The following PCED1B variants were observed in gnomAD, a reference collection of about 807,000 sequenced individuals.
PCED1B encodes PC-esterase domain-containing protein 1B.
For synonymous variants in PCED1B, 251 were observed against 246.1 expected (o/e 1.02, Z -0.19); for missense variants, 573 against 573.9 (o/e 1.00, Z 0.02).
At chr12:47,177,617 G>C (rs542908605) in intron 2 of PCED1B, among the ~76,000 whole-genome samples, 3 of 152,118 alleles carry the variant, frequency 2.0e-5, no homozygotes, top group East Asian at 3.9e-4. Context: ...TGGTGGGGTG[G>C]GGGGTGGCAA....
At chr12:47,185,091 C>A (rs1434652993) in intron 2 of PCED1B, among the ~76,000 whole-genome samples, 1 of 152,184 alleles carries the variant, frequency 6.6e-6, no homozygotes, top group East Asian at 1.9e-4. Context: ...CAAGATGTTG[C>A]TGCATCTCCA....
intron 2 of PCED1B, among the ~76,000 whole-genome samples, chr12:47,174,365 C>T (rs572478427): frequency 7.7e-4 from 117 of 151,096 alleles, no homozygotes; most frequent in African/African-American, 2.1e-3. Context: ...GCGGAGATTG[C>T]GCTACCGCAC....
At chr12:47,106,692 T>G (rs1938964922) in intron 2 of PCED1B, among the ~76,000 whole-genome samples, 1 of 152,222 alleles carries the variant, frequency 6.6e-6, no homozygotes, top group Admixed American at 6.5e-5. Context: ...CTTCTCTGTT[T>G]TCCCTCCTCC....
intron 1 of PCED1B, among the ~76,000 whole-genome samples, chr12:47,101,088 T>G (rs1221254666): frequency 6.6e-6 from 1 of 152,080 alleles, no homozygotes; most frequent in African/African-American, 2.4e-5. Flanking sequence ...AAAAAAAAAG[T>G]TATTTGATCA....
intron 2 of PCED1B, among the ~76,000 whole-genome samples, chr12:47,200,406 T>C (rs576377850): frequency 1.3e-5 from 2 of 152,278 alleles, no homozygotes; most frequent in South Asian, 4.1e-4. Flanking sequence ...ATTACACCCC[T>C]ATTAGAGTGG....
chr12:47,138,842 A>G (rs1422752934), intron 2 of PCED1B, among the ~76,000 whole-genome samples: 1 of 152,226 alleles, frequency 6.6e-6, no homozygotes, highest in Non-Finnish European at 1.5e-5. Flanking sequence ...CTTGTTTACC[A>G]TCTTGAATAA....
At chr12:47,154,754 G>C (rs1941131355) in intron 2 of PCED1B, among the ~76,000 whole-genome samples, 1 of 146,464 alleles carries the variant, frequency 6.8e-6, no homozygotes, top group African/African-American at 2.6e-5. Context: ...AATATGTAGT[G>C]TAGGACAGAG....
chr12:47,222,141 C>A (rs985458817), intron 3 of PCED1B, among the ~76,000 whole-genome samples: 1 of 136,992 alleles, frequency 7.3e-6, no homozygotes, highest in Non-Finnish European at 1.5e-5. Flanking sequence ...AAAAAACGCC[C>A]GGGCGTGGTG....
intron 2 of PCED1B, among the ~76,000 whole-genome samples, chr12:47,203,576 G>A (rs773728072): frequency 6.6e-6 from 1 of 152,146 alleles, no homozygotes; most frequent in Non-Finnish European, 1.5e-5. Context: ...TTGGTTTTCT[G>A]TTCCTGCATT....
intron 2 of PCED1B, among the ~76,000 whole-genome samples, chr12:47,172,169 T>A (rs1005643531): frequency 1.3e-5 from 2 of 152,154 alleles, no homozygotes; most frequent in Non-Finnish European, 2.9e-5. Flanking sequence ...CTCCTGGATC[T>A]TTCTTCCAAG....
chr12:47,118,767 T>C (rs1013483035), intron 2 of PCED1B, among the ~76,000 whole-genome samples: 1 of 152,204 alleles, frequency 6.6e-6, no homozygotes, highest in Non-Finnish European at 1.5e-5. Context: ...ATTGAATCTA[T>C]AAATTACCTT....
At chr12:47,137,306 A>G (rs1940413959) in intron 2 of PCED1B, among the ~76,000 whole-genome samples, 1 of 152,222 alleles carries the variant, frequency 6.6e-6, no homozygotes, top group Admixed American at 6.5e-5. Flanking sequence ...CATGTCCAAA[A>G]TATGTCTTCA....
chr12:47,194,113 A>G (rs570881242), intron 2 of PCED1B, among the ~76,000 whole-genome samples: 68 of 152,164 alleles, frequency 4.5e-4, no homozygotes, highest in African/African-American at 1.3e-3. Flanking sequence ...CATTTTTCAG[A>G]TAACTTCCCT....
At position 47,175,580 on chromosome 12, in the gene PCED1B, G is replaced by T. The variant is rs570061471; in HGVS notation, c.-525-40642G>T. On this transcript the variant is annotated intron_variant, in intron 2 of 3. Coordinates refer to ENST00000546455, the MANE Select transcript of PCED1B (RefSeq NM_138371.3). The stretch of plus-strand genomic sequence containing the variant: ...TGTATGTATGTATGTATGTATGTAT[G>T]TATTTATTTTGAGATGGAGTTTCAC... Among the ~76,000 whole-genome samples, 44 of 151,646 alleles carry T rather than the reference G, an allele frequency of 2.9e-4. 1 individual carries two copies. Among genetic ancestry groups the T allele is most frequent in the South Asian group, 8.4e-4 (4 of 4,790 alleles).
At position 47,157,219 on chromosome 12, in the gene PCED1B, C is replaced by A. The variant is rs143461550; in HGVS notation, c.-526+53024C>A. Among the ~76,000 whole-genome samples, 506 of 152,202 alleles carry A rather than the reference C, an allele frequency of 3.3e-3. 8 individuals are homozygous for A. In the South Asian group the frequency reaches 0.04, roughly 12 times the overall value. On this transcript the variant is annotated intron_variant, in intron 2 of 3. Coordinates refer to ENST00000546455, the MANE Select transcript of PCED1B (RefSeq NM_138371.3). Reference sequence around the variant, plus strand: ...CCCCTGAACACATAAAAAATCCCATCTTGTTAATTATATTAATTACAAAAT... The same window carrying A: ...CCCCTGAACACATAAAAAATCCCATATTGTTAATTATATTAATTACAAAAT...
intron 1 of PCED1B, among the ~76,000 whole-genome samples, chr12:47,087,166 A>G (rs1347282284): frequency 6.6e-6 from 1 of 152,222 alleles, no homozygotes; most frequent in African/African-American, 2.4e-5. Context: ...GAAACATCAC[A>G]TTAATATAGG....
chr12:47,090,479 T>C (rs753064369), intron 1 of PCED1B, among the ~76,000 whole-genome samples: 3 of 152,134 alleles, frequency 2.0e-5, no homozygotes, highest in Non-Finnish European at 4.4e-5. Flanking sequence ...AAGACAATCA[T>C]GAGGCAAGAA....
chr12:47,092,727 T>C (rs1592132541), intron 1 of PCED1B, among the ~76,000 whole-genome samples: 2 of 152,180 alleles, frequency 1.3e-5, no homozygotes, highest in East Asian at 1.9e-4. Flanking sequence ...CACAAATGGA[T>C]GTTGAATTTA....
chr12:47,089,461 CATATATATATATATAT>C (rs1217283440), intron 1 of PCED1B, among the ~76,000 whole-genome samples: 7 of 63,414 alleles, frequency 1.1e-4, no homozygotes, highest in Admixed American at 8.0e-4. Flanking sequence ...AAAAAAAATA[CATATATATATATATAT>C]ATATATATAT....
Sources: allele counts gnomAD v4.1 joint callset (sites outside exome capture counted in the v4.1 genomes callset), GRCh38; gene constraint gnomAD v4.1.1; transcripts MANE v1.5; gene names NCBI Gene and HGNC (gene_info 2026-07-23, HGNC 2026-07-21).